Variants in PTRHD1 observed in about 807,000 individuals in gnomAD.
PTRHD1 encodes putative peptidyl-tRNA hydrolase PTRHD1.
PTRHD1 carries 12 observed loss-of-function variants against 13.6 expected under a neutral mutation model. The observed-to-expected ratio is 0.88, with a 90% CI of 0.57 to 1.43. The LOEUF is 1.43. PTRHD1 is among the 40% of genes most tolerant of loss of function. The pLI is 0.00. For synonymous variants in PTRHD1, 86 were observed against 79.5 expected (o/e 1.08, Z -0.43); for missense variants, 203 against 184.7 (o/e 1.10, Z -0.57).
chr2:24,791,073 C>T (rs946114898), intron 1 of PTRHD1, among the ~76,000 whole-genome samples: 4 of 151,866 alleles, frequency 2.6e-5, no homozygotes, highest in Non-Finnish European at 5.9e-5. Context: ...TACAGGCGCA[C>T]ACCACTACAC....
chr2:24,793,075 C>T (rs1202675213), intron 1 of PTRHD1, 51 bp downstream of exon 1: 44 of 1,576,390 alleles, frequency 2.8e-5, no homozygotes, highest in Non-Finnish European at 3.7e-5. Context: ...AGACCACACC[C>T]ACTTCCGCCC....
chr2:24,790,603 C>A (rs1234846867), intron 1 of PTRHD1, 22 bp from the exon 2 acceptor site: 1 of 1,603,408 alleles, frequency 6.2e-7, no homozygotes. Flanking sequence ...GAACACAGAA[C>A]ACAAACTGAA....
intron 1 of PTRHD1, 150 bp from the exon 2 acceptor site, chr2:24,790,731 G>C (rs930560001): frequency 6.1e-6 from 4 of 659,332 alleles, no homozygotes; most frequent in Non-Finnish European, 7.6e-6. Context: ...ATTCCGTGGT[G>C]CACTGGGGAG....
At position 24,790,279 on chromosome 2, in the gene PTRHD1, A is replaced by G. The variant is rs1665593004; in HGVS notation, c.*132T>C. The G allele has an allele frequency of 2.9e-6, 3 of 1,024,048 alleles. No homozygotes were observed. In the South Asian group the frequency reaches 4.9e-5, roughly 17 times the overall value. The allele number at this position is 1,024,048 out of a possible 1,614,324, so 63.4% of individuals were successfully genotyped here. A position where few individuals can be genotyped will look rare whatever the true frequency, so the allele number is the denominator to read the frequency against. ...TAAGAGGAAGTAGTTATTAATGACA[A>G]CTTTAATATGAACATGTGCTTAACC... On this transcript the variant is annotated 3_prime_UTR_variant, in exon 2 of 2. Coordinates refer to ENST00000328379, the MANE Select transcript of PTRHD1 (RefSeq NM_001013663.2).
chr2:24,793,110 C>G lies in PTRHD1; in HGVS notation c.252+16G>C. Reference sequence around the variant, plus strand: ...CTCGATGTCTCAGCACCTCCCCCTCCGCCCGAGTGCCTCACCTCGAGGACC... The same window carrying G: ...CTCGATGTCTCAGCACCTCCCCCTCGGCCCGAGTGCCTCACCTCGAGGACC... On this transcript the variant is annotated intron_variant, in intron 1 of 1. Transcript: ENST00000328379. 6.2e-7 allele frequency: 1 copy of G among 1,606,778 alleles called. No homozygotes were observed. The highest frequency in any genetic ancestry group is 8.5e-7 in the Non-Finnish European group (1 of 1,176,480).
rs1263587150 is a variant in PTRHD1 at position 24,789,760 on chromosome 2, A to C, written c.*651T>G. 2 of 152,256 alleles carry C rather than the reference A, an allele frequency of 1.3e-5. No individual in the cohort carries two copies. Among genetic ancestry groups the C allele is most frequent in the Non-Finnish European group, 2.9e-5 (2 of 68,058 alleles). The allele number at this position is 152,256 out of a possible 1,614,324, so 9.4% of individuals were successfully genotyped here. ...CTTGACAGATTTCATTGAATCTAATAAATCTGTATGTATGTACATATATAT... is the reference window on the plus strand; with the variant it reads ...CTTGACAGATTTCATTGAATCTAATCAATCTGTATGTATGTACATATATAT... On this transcript the variant is annotated 3_prime_UTR_variant, in exon 2 of 2. Transcript: ENST00000328379.
chr2:24,790,760 T>C (rs1467179403), intron 1 of PTRHD1, among the ~76,000 whole-genome samples, 179 bp from the exon 2 acceptor site: 1 of 152,170 alleles, frequency 6.6e-6, no homozygotes, highest in African/African-American at 2.4e-5. Context: ...GGCTTCATAT[T>C]CCAGTTTAGA....
At chr2:24,791,495 CT>C (rs1196439116) in intron 1 of PTRHD1, 2 of 152,226 alleles carry the variant, frequency 1.3e-5, no homozygotes, top group African/African-American at 4.8e-5. Flanking sequence ...TAAAGTTTAT[CT>C]CTTACCTATG....
At position 24,790,229 on chromosome 2, in the gene PTRHD1, C is replaced by T. The variant is rs1488160053; in HGVS notation, c.*182G>A. The T allele has an allele frequency of 4.6e-6, 3 of 647,330 alleles. No individual in the cohort carries two copies. Among genetic ancestry groups the T allele is most frequent in the Non-Finnish European group, 7.6e-6 (3 of 393,528 alleles). The allele number at this position is 647,330 out of a possible 1,614,324, so 40.1% of individuals were successfully genotyped here. A position where few individuals can be genotyped will look rare whatever the true frequency, so the allele number is the denominator to read the frequency against. ...TGATCCCCAGACAATACTGCTCTCCCACCTTCCCCACTTGAACTTATTAAT... is the reference window on the plus strand; with the variant it reads ...TGATCCCCAGACAATACTGCTCTCCTACCTTCCCCACTTGAACTTATTAAT... On this transcript the variant is annotated 3_prime_UTR_variant, in exon 2 of 2. Transcript: ENST00000328379.
chr2:24,790,287 A>G lies in PTRHD1; in HGVS notation c.*124T>C. On this transcript the variant is annotated 3_prime_UTR_variant, in exon 2 of 2. Coordinates refer to ENST00000328379, the MANE Select transcript of PTRHD1 (RefSeq NM_001013663.2). ...AGTAGTTATTAATGACAACTTTAAT[A>G]TGAACATGTGCTTAACCCTCAAGAA... 8.9e-7 allele frequency: 1 copy of G among 1,117,900 alleles called. No individual in the cohort carries two copies. The highest frequency in any genetic ancestry group is 1.3e-6 in the Non-Finnish European group (1 of 788,854). 69.2% of individuals were successfully genotyped at this position (1,117,900 alleles called of 1,614,324 possible).
chr2:24,790,552 C>T lies in PTRHD1; in HGVS notation c.282G>A (p.Leu94=), dbSNP rs1332378641. 1.2e-6 allele frequency: 2 copies of T among 1,614,064 alleles called. No individual in the cohort carries two copies. Among genetic ancestry groups the T allele is most frequent in the Admixed American group, 1.7e-5 (1 of 60,000 alleles). Residue 94 remains leucine (L), a synonymous_variant, in exon 2 of 2, where the codon CTG becomes CTA. Coordinates refer to ENST00000328379, the MANE Select transcript of PTRHD1 (RefSeq NM_001013663.2). ...EAPDETTLKE[L]AETLQQKNID... ...TGTTCTTCTGTTGCAGGGTCTCGGCCAGCTCCTTTAGGGTGGTCTCATCTG... is the reference window on the plus strand; with the variant it reads ...TGTTCTTCTGTTGCAGGGTCTCGGCTAGCTCCTTTAGGGTGGTCTCATCTG...
rs569970182 is a variant in PTRHD1, at chr2:24,790,725, C to T, written c.253-144G>A. The T allele has an allele frequency of 6.0e-5, 41 of 677,986 alleles. No individual in the cohort carries two copies. In the African/African-American group the frequency reaches 6.7e-4, roughly 11 times the overall value. The allele number at this position is 677,986 out of a possible 1,614,324, so 42.0% of individuals were successfully genotyped here. On this transcript the variant is annotated intron_variant, in intron 1 of 1. Transcript: ENST00000328379. ...GAGCTGCAGAGCAATGATGTCATTC[C>T]GTGGTGCACTGGGGAGGGGAGAGAG...
In PTRHD1 at chr2:24,790,512, A is replaced by T; in HGVS notation, c.322T>A (p.Trp108Arg). 6.2e-7 allele frequency: 1 copy of T among 1,614,194 alleles called. No homozygotes were observed. Among genetic ancestry groups the T allele is most frequent in the Non-Finnish European group, 8.5e-7 (1 of 1,180,040 alleles). The change falls in exon 2 of 2, where the codon TGG becomes AGG. Residue 108 changes from tryptophan (W) to arginine (R), a missense_variant. Trp to Arg is a moderately radical substitution (Grantham distance 101). Transcript: ENST00000328379. ...GCGATATTCTCTGGTTGCTCAAGCC[A>T]CAGCATGTGGTCAATGTTCTTCTGT... is the stretch of plus-strand genomic sequence containing the variant. Reference protein sequence around the residue: ...LQQKNIDHMLWLEQPENIATC... With the variant: ...LQQKNIDHMLRLEQPENIATC...
intron 1 of PTRHD1, chr2:24,791,484 A>G (rs1174240881): frequency 6.6e-6 from 1 of 152,220 alleles, no homozygotes; most frequent in Non-Finnish European, 1.5e-5. Context: ...GTTATTTTGC[A>G]TAAAGTTTAT....
At position 24,793,148 on chromosome 2, in the gene PTRHD1, C is replaced by A; in HGVS notation, c.230G>T (p.Arg77Leu). 6.2e-7 allele frequency: 1 copy of A among 1,612,956 alleles called. No individual in the cohort carries two copies. The highest frequency in any genetic ancestry group is 8.5e-7 in the Non-Finnish European group (1 of 1,179,580). The change falls in exon 1 of 2, where the codon CGC becomes CTC. Residue 77 changes from arginine (R) to leucine (L), a missense_variant. By Grantham distance (102) the Arg-to-Leu change is moderately radical. Coordinates refer to ENST00000328379, the MANE Select transcript of PTRHD1 (RefSeq NM_001013663.2). Reference sequence around the variant, plus strand: ...CACCTCGAGGACCACTTTGCGCATGCGCCCCAGCTCTTGGAGGTAAGCGGC... The same window carrying A: ...CACCTCGAGGACCACTTTGCGCATGAGCCCCAGCTCTTGGAGGTAAGCGGC... ...HTAAYLQELGRMRKVVLEAPD... is the reference protein window; with the variant it reads ...HTAAYLQELGLMRKVVLEAPD...
Position 24,793,123 on chromosome 2 carries a change from C to G in PTRHD1, c.252+3G>C. ...CACCTCCCCCTCCGCCCGAGTGCCT[C>G]ACCTCGAGGACCACTTTGCGCATGC... On this transcript the variant is annotated splice_donor_region_variant and intron_variant, in intron 1 of 1. Transcript: ENST00000328379. 1 of 1,610,078 alleles carries G rather than the reference C, an allele frequency of 6.2e-7. No homozygotes were observed. The highest frequency in any genetic ancestry group is 8.5e-7 in the Non-Finnish European group (1 of 1,177,864).
Position 24,793,360 on chromosome 2 carries a change from AC to A in PTRHD1, c.17del (p.Gly6ValfsTer43), listed in dbSNP as rs770760758. On this transcript the variant is annotated frameshift_variant, in exon 1 of 2. Coordinates refer to ENST00000328379, the MANE Select transcript of PTRHD1 (RefSeq NM_001013663.2). LOFTEE classifies it high-confidence loss of function. MHRGV[G>X]PAFRVVRKMA... is the part of the protein sequence containing the mutation. ...TCTTCCTGACCACCCGAAAGGCCGG[AC>A]CTACTCCCCGGTGCATCTTGGGATC... 11 of 1,613,436 alleles carry A rather than the reference AC, an allele frequency of 6.8e-6. No individual in the cohort carries two copies. In the Admixed American group the frequency reaches 1.5e-4, roughly 22 times the overall value.
chr2:24,792,910 G>C, intron 1 of PTRHD1: 1 of 619,642 alleles, frequency 1.6e-6, no homozygotes, highest in Admixed American at 3.0e-5. Context: ...CCACTTTACC[G>C]CGAGCCCAGC....
In PTRHD1 at chr2:24,793,372, G is replaced by C. The variant is rs755112133; in HGVS notation, c.6C>G (p.His2Gln). Reference sequence around the variant, plus strand: ...CCCGAAAGGCCGGACCTACTCCCCGGTGCATCTTGGGATCAGGGCGGGGCC... The same window carrying C: ...CCCGAAAGGCCGGACCTACTCCCCGCTGCATCTTGGGATCAGGGCGGGGCC... MHRGVGPAFRVV... is the reference protein window; with the variant it reads MQRGVGPAFRVV... Residue 2 changes from histidine (H) to glutamine (Q), a missense_variant, in exon 1 of 2, where the codon CAC (histidine) becomes CAG (glutamine). Coordinates refer to ENST00000328379, the MANE Select transcript of PTRHD1 (RefSeq NM_001013663.2). 107 of 1,613,270 alleles carry C rather than the reference G, an allele frequency of 6.6e-5. No individual in the cohort carries two copies. Among genetic ancestry groups the C allele is most frequent in the Non-Finnish European group, 8.8e-5 (104 of 1,179,862 alleles).
Sources: allele counts gnomAD v4.1 joint callset (sites outside exome capture counted in the v4.1 genomes callset), GRCh38; gene constraint gnomAD v4.1.1; transcripts MANE v1.5; gene names NCBI Gene and HGNC (gene_info 2026-07-23, HGNC 2026-07-21).